Variants in DLG2 observed in about 807,000 individuals in gnomAD.
DLG2 encodes the protein discs large MAGUK scaffold protein 2.
Under a neutral mutation model 132.5 loss-of-function variants are expected in DLG2, and 45 were observed. The observed-to-expected ratio is 0.34, with a 90% CI of 0.27 to 0.44. DLG2 has a LOEUF of 0.44. Among genes scored for constraint, DLG2 ranks in the 20% least tolerant of loss-of-function variants. DLG2 has a pLI of 1.00. For synonymous variants in DLG2, 424 were observed against 419.6 expected, an observed-to-expected ratio of 1.01 and a Z score of -0.13; for missense variants, 1,045 against 1,196.9, an observed-to-expected ratio of 0.87 and a Z score of 1.87.
intron 6 of DLG2, among the ~76,000 whole-genome samples, chr11:85,099,680 C>A (rs140667051): frequency 5.6e-4 from 86 of 152,244 alleles, no homozygotes; most frequent in African/African-American, 2.0e-3. Flanking sequence ...CTTGGAAGAG[C>A]TGTCATTAAT....
At chr11:85,587,111 G>A (rs531005151) in intron 3 of DLG2, among the ~76,000 whole-genome samples, 1 of 152,152 alleles carries the variant, frequency 6.6e-6, no homozygotes, top group African/African-American at 2.4e-5. Context: ...CTTGTTTTGT[G>A]GCCTATCCTA....
At chr11:84,788,639 G>A (rs927736675) in intron 6 of DLG2, among the ~76,000 whole-genome samples, 1 of 152,112 alleles carries the variant, frequency 6.6e-6, no homozygotes, top group Non-Finnish European at 1.5e-5. Context: ...ATTTATAGGT[G>A]TATGTCATAT....
At chr11:84,218,623 C>T (rs927084451) in intron 8 of DLG2, among the ~76,000 whole-genome samples, 1 of 152,132 alleles carries the variant, frequency 6.6e-6, no homozygotes, top group African/African-American at 2.4e-5. Context: ...AGAAGTTTGG[C>T]AGACCCTTAA....
At chr11:85,054,419 G>A (rs920505430) in intron 6 of DLG2, among the ~76,000 whole-genome samples, 8 of 152,182 alleles carry the variant, frequency 5.3e-5, no homozygotes, top group Non-Finnish European at 8.8e-5. Flanking sequence ...TACACTGCTC[G>A]TGAGAATGTA....
Position 84,971,220 on chromosome 11 carries a change from A to G in DLG2, c.357+140441T>C, listed in dbSNP as rs1253003625. The stretch of plus-strand genomic sequence containing the variant: ...TAGCGAAAAAATGTGTCCTTTGTTG[A>G]CTTTAAAAGGAAAAAGAAAATGAAA... On this transcript the variant is annotated intron_variant, in intron 6 of 27. Coordinates refer to ENST00000376104, the MANE Select transcript of DLG2 (RefSeq NM_001142699.3). 3.9e-5 allele frequency among the ~76,000 whole-genome samples: 6 copies of G among 152,334 alleles called. No individual in the cohort carries two copies. In the East Asian group the frequency reaches 9.6e-4, roughly 24 times the overall value.
chr11:85,198,001 A>C (rs2081188590), intron 4 of DLG2, among the ~76,000 whole-genome samples: 3 of 152,174 alleles, frequency 2.0e-5, no homozygotes. Context: ...AAGTTAATGA[A>C]ATTATAATTA....
chr11:85,020,845 A>T (rs2154139817), intron 6 of DLG2: 1 of 750,652 alleles, frequency 1.3e-6, no homozygotes, highest in Non-Finnish European at 2.5e-6. Flanking sequence ...GCCATCCCCC[A>T]ATCTTCATTG....
At chr11:85,485,215 G>C (rs286505) in intron 3 of DLG2, among the ~76,000 whole-genome samples, 117,145 of 148,126 alleles carry the variant, frequency 0.79, 47,708 homozygotes, top group Middle Eastern at 0.94. Context: ...GGTGGGGAGA[G>C]GGGGGAGGGA....
In DLG2 at chr11:84,958,957, C is replaced by G. The variant is rs142405205; in HGVS notation, c.357+152704G>C. On this transcript the variant is annotated intron_variant, in intron 6 of 27. Transcript: ENST00000376104. ...AGGTTGAATTTCAGTTTGACCATAA[C>G]ACACTTCTTAGACTTGATTTTAATA... 4.1e-3 allele frequency among the ~76,000 whole-genome samples: 624 copies of G among 152,288 alleles called. 4 individuals carry two copies. Among genetic ancestry groups the G allele is most frequent in the Middle Eastern group, 0.014 (4 of 294 alleles).
Position 83,732,646 on chromosome 11 carries a change from A to T in DLG2, c.1825+54044T>A, listed in dbSNP as rs138611754. Reference sequence around the variant, plus strand: ...GCAGGCTTTGTGGGTATTTGAGAAGATTTATGTATTCATTATCATGTGTGC... The same window carrying T: ...GCAGGCTTTGTGGGTATTTGAGAAGTTTTATGTATTCATTATCATGTGTGC... On this transcript the variant is annotated intron_variant, in intron 18 of 27. Coordinates refer to ENST00000376104, the MANE Select transcript of DLG2 (RefSeq NM_001142699.3). Among the ~76,000 whole-genome samples, 38 of 152,336 alleles carry T rather than the reference A, an allele frequency of 2.5e-4. 1 individual carries two copies. Among genetic ancestry groups the T allele is most frequent in the African/African-American group, 8.9e-4 (37 of 41,576 alleles).
chr11:84,088,857 T>G (rs1427691027), intron 10 of DLG2, among the ~76,000 whole-genome samples: 1 of 152,108 alleles, frequency 6.6e-6, no homozygotes, highest in Non-Finnish European at 1.5e-5. Context: ...GGTAATAAAG[T>G]CTCCCTTCTC....
At position 83,501,409 on chromosome 11, in the gene DLG2, A is replaced by T. The variant is rs575158373; in HGVS notation, c.2194-17181T>A. On this transcript the variant is annotated intron_variant, in intron 21 of 27. Transcript: ENST00000376104. ...GCAGGGAGAATGGCTTTCAGAATCC[A>T]GTGAAGCCCACCAATGTCCACAGGG... Among the ~76,000 whole-genome samples, 36 of 152,210 alleles carry T rather than the reference A, an allele frequency of 2.4e-4. No individual in the cohort carries two copies. In the South Asian group the frequency reaches 7.5e-3, roughly 32 times the overall value.
intron 3 of DLG2, among the ~76,000 whole-genome samples, chr11:85,547,980 C>A (rs1279372485): frequency 6.6e-6 from 1 of 152,124 alleles, no homozygotes; most frequent in Non-Finnish European, 1.5e-5. Context: ...CTGAAGCCTA[C>A]TTCTGTCAAT....
At position 85,626,662 on chromosome 11, in the gene DLG2, G is replaced by T. The variant is rs1280038608; in HGVS notation, c.-168C>A. ...CACAGGAGTCAATATCTCTTTTCAG[G>T]TCTCAGTTTGATCCAGCTGGATTGA... On this transcript the variant is annotated 5_prime_UTR_variant, in exon 2 of 28. Coordinates refer to ENST00000376104, the MANE Select transcript of DLG2 (RefSeq NM_001142699.3). 1 of 152,088 alleles carries T rather than the reference G, an allele frequency of 6.6e-6. No homozygotes were observed. Among genetic ancestry groups the T allele is most frequent in the African/African-American group, 2.4e-5 (1 of 41,410 alleles). 9.4% of individuals were successfully genotyped at this position (152,088 alleles called of 1,614,324 possible). A position where few individuals can be genotyped will look rare whatever the true frequency, so the allele number is the denominator to read the frequency against.
intron 7 of DLG2, among the ~76,000 whole-genome samples, chr11:84,419,370 T>C (rs1317856770): frequency 6.6e-6 from 1 of 152,208 alleles, no homozygotes; most frequent in Non-Finnish European, 1.5e-5. Context: ...CAAACTAATA[T>C]AATAGCATTT....
At chr11:85,114,789 G>A (rs1050702847) in intron 5 of DLG2, among the ~76,000 whole-genome samples, 2 of 151,922 alleles carry the variant, frequency 1.3e-5, no homozygotes, top group African/African-American at 4.8e-5. Flanking sequence ...GAACCCTAAA[G>A]ATGTTCTTCT....
chr11:83,978,054 C>T (rs1265061834), intron 12 of DLG2, among the ~76,000 whole-genome samples: 1 of 151,988 alleles, frequency 6.6e-6, no homozygotes, highest in Non-Finnish European at 1.5e-5. Flanking sequence ...TTAATTTATT[C>T]AATCTCTATT....
At chr11:84,863,830 C>T (rs1175862480) in intron 6 of DLG2, among the ~76,000 whole-genome samples, 1 of 151,892 alleles carries the variant, frequency 6.6e-6, no homozygotes, top group African/African-American at 2.4e-5. Context: ...GGAATAAAGC[C>T]CAGCTGGGTT....
chr11:84,296,293 T>C (rs1174582953), intron 7 of DLG2, among the ~76,000 whole-genome samples: 1 of 151,968 alleles, frequency 6.6e-6, no homozygotes, highest in Non-Finnish European at 1.5e-5. Flanking sequence ...CACAGGCCTG[T>C]GATATGATTT....
Sources: allele counts gnomAD v4.1 joint callset (sites outside exome capture counted in the v4.1 genomes callset), GRCh38; gene constraint gnomAD v4.1.1; transcripts MANE v1.5; gene names NCBI Gene and HGNC (gene_info 2026-07-23, HGNC 2026-07-21).